The following METTL24 variants were observed in gnomAD, a reference collection of about 807,000 sequenced individuals.
The protein encoded by METTL24 is methyltransferase like 24, also known as probable methyltransferase-like protein 24.
Under a neutral mutation model 32.7 loss-of-function variants are expected in METTL24, and 29 were observed. The ratio of observed to expected loss-of-function variants is 0.89; its 90% CI spans 0.66 to 1.21. The LOEUF (loss-of-function observed/expected upper bound fraction) is 1.21. Ranked by LOEUF, METTL24 falls within the 50% of genes most tolerant of loss-of-function variation. The pLI, the probability that METTL24 is intolerant of heterozygous loss-of-function variation, is 0.00. For synonymous variants in METTL24, 163 were observed against 179.5 expected, an observed-to-expected ratio of 0.91 and a Z score of 0.73; for missense variants, 439 against 468.1, an observed-to-expected ratio of 0.94 and a Z score of 0.57.
chr6:110,291,487 A>G (rs373465653), intron 4 of METTL24, among the ~76,000 whole-genome samples: 2 of 152,308 alleles, frequency 1.3e-5, no homozygotes, highest in East Asian at 3.9e-4. Context: ...ATGCCTTTAT[A>G]AAAATCAATT....
intron 4 of METTL24, among the ~76,000 whole-genome samples, chr6:110,258,138 C>T (rs1459354219): frequency 6.6e-6 from 1 of 152,160 alleles, no homozygotes. Flanking sequence ...TCAGTGTTAG[C>T]TGTTGTTATT....
rs568182231 is a variant in METTL24 at position 110,265,708 on chromosome 6, C to T, written c.787-19448G>A. ...GAACCATAAGAAGAAGGATTATATG[C>T]CAGGGGAGGAGGTAGGGAGAGCTGG... On this transcript the variant is annotated intron_variant, in intron 4 of 4. Transcript: ENST00000338882. Among the ~76,000 whole-genome samples the T allele has an allele frequency of 2.0e-5, 3 of 152,162 alleles. No individual in the cohort carries two copies. In the South Asian group the frequency reaches 6.2e-4, roughly 32 times the overall value.
rs751030308 is a variant in METTL24 at position 110,246,048 on chromosome 6, G to A, written c.999C>T (p.His333=). The change falls in exon 5 of 5, where the codon CAC becomes CAT. Residue 333 remains histidine, a synonymous_variant. Transcript: ENST00000338882. ...ELEQKDFRLF[H]SYKDLSKPQL... is the part of the protein sequence containing the mutation. Reference sequence around the variant, plus strand: ...GAGGTTTAGATAAGTCTTTGTAACTGTGAAAAAGCCTGAAATCCTTTTGTT... The same window carrying A: ...GAGGTTTAGATAAGTCTTTGTAACTATGAAAAAGCCTGAAATCCTTTTGTT... The A allele has an allele frequency of 7.4e-6, 12 of 1,614,014 alleles. No homozygotes were observed. The East Asian group carries it at 2.7e-4, about 36-fold the overall frequency.
At chr6:110,253,938 G>A (rs1388575275) in intron 4 of METTL24, 3 of 1,455,300 alleles carry the variant, frequency 2.1e-6, no homozygotes, top group East Asian at 5.5e-5. Context: ...CCCCAGGAGG[G>A]GTGAGGAGGA....
intron 4 of METTL24, among the ~76,000 whole-genome samples, chr6:110,295,907 G>A (rs1034987513): frequency 1.3e-5 from 2 of 152,120 alleles, no homozygotes; most frequent in Non-Finnish European, 2.9e-5. Context: ...ACAATTGAGT[G>A]ACTAATTCAC....
intron 4 of METTL24, among the ~76,000 whole-genome samples, chr6:110,292,158 G>A (rs1397651405): frequency 6.6e-6 from 1 of 152,130 alleles, no homozygotes; most frequent in East Asian, 1.9e-4. Context: ...TATGCAGATT[G>A]TTTTCTACCC....
chr6:110,338,827 G>A (rs769096144), intron 1 of METTL24, among the ~76,000 whole-genome samples: 9 of 152,186 alleles, frequency 5.9e-5, no homozygotes, highest in Non-Finnish European at 8.8e-5. Context: ...TTGAAAGTTA[G>A]CTTTCGTAAT....
At position 110,358,002 on chromosome 6, in the gene METTL24, T is replaced by TCCCGCTCCCGCCGCCCCCCGGCGGCGC; in HGVS notation, c.244_270dup (p.Ala82_Gly90dup). ...GGGGCACAGCAGCCAGGCTCCGGCGTCCCGCTCCCGCCGCCCCCCGGCGGC... is the reference window on the plus strand; with the variant it reads ...GGGGCACAGCAGCCAGGCTCCGGCGTCCCGCTCCCGCCGCCCCCCGGCGGCGCCCCGCTCCCGCCGCCCCCCGGCGGC... On this transcript the variant is annotated inframe_insertion, in exon 1 of 5. Transcript: ENST00000338882. 1 of 1,167,448 alleles carries TCCCGCTCCCGCCGCCCCCCGGCGGCGC rather than the reference T, an allele frequency of 8.6e-7. No homozygotes were observed. The highest frequency in any genetic ancestry group is 1.1e-6 in the Non-Finnish European group (1 of 947,166). The allele number at this position is 1,167,448 out of a possible 1,614,324, so 72.3% of individuals were successfully genotyped here.
At chr6:110,353,429 A>G (rs758824427) in intron 1 of METTL24, among the ~76,000 whole-genome samples, 1 of 151,930 alleles carries the variant, frequency 6.6e-6, no homozygotes, top group Non-Finnish European at 1.5e-5. Context: ...ATCCCATACC[A>G]TTTTTCCTCT....
At chr6:110,329,510 T>C (rs1338099472) in intron 1 of METTL24, among the ~76,000 whole-genome samples, 1 of 34,182 alleles carries the variant, frequency 2.9e-5, no homozygotes, top group Non-Finnish European at 5.8e-5. Context: ...GGGGTGGGGG[T>C]GGGAGTAGTT....
rs539811714 is a variant in METTL24 at position 110,293,855 on chromosome 6, C to T, written c.786+5067G>A. 4.0e-5 allele frequency among the ~76,000 whole-genome samples: 6 copies of T among 151,426 alleles called. No homozygotes were observed. In the South Asian group the frequency reaches 1.2e-3, roughly 32 times the overall value. On this transcript the variant is annotated intron_variant, in intron 4 of 4. Coordinates refer to ENST00000338882, the MANE Select transcript of METTL24 (RefSeq NM_001123364.3). ...TCATTTCTTACAAGTGCATGTGAAT[C>T]TATCTCAAAATGTGCAGTTTTTTTT... is the stretch of plus-strand genomic sequence containing the variant.
intron 3 of METTL24, among the ~76,000 whole-genome samples, chr6:110,300,284 C>G (rs1285914205): frequency 1.3e-5 from 2 of 152,134 alleles, no homozygotes; most frequent in Admixed American, 1.3e-4. Flanking sequence ...GGCCTAGAAC[C>G]AACCGCCAAC....
chr6:110,335,566 G>GTT (rs527344096), intron 1 of METTL24, among the ~76,000 whole-genome samples: 8 of 66,110 alleles, frequency 1.2e-4, no homozygotes, highest in African/African-American at 2.9e-4. Context: ...GGGAATCATT[G>GTT]TTTTTTTTTT....
At chr6:110,261,823 C>T (rs867545809) in intron 4 of METTL24, among the ~76,000 whole-genome samples, 21 of 152,132 alleles carry the variant, frequency 1.4e-4, no homozygotes, top group Admixed American at 1.1e-3. Context: ...CACTCAAAAC[C>T]GCTCAACTAC....
intron 4 of METTL24, among the ~76,000 whole-genome samples, chr6:110,257,003 A>G (rs1429570901): frequency 6.6e-6 from 1 of 152,216 alleles, no homozygotes; most frequent in Non-Finnish European, 1.5e-5. Flanking sequence ...TACAGGCTGC[A>G]CTGCATCAAG....
chr6:110,244,840 C>T lies in METTL24; in HGVS notation c.*1106G>A, dbSNP rs1279372801. 6.6e-6 allele frequency among the ~76,000 whole-genome samples: 1 copy of T among 152,102 alleles called. No homozygotes were observed. Among genetic ancestry groups the T allele is most frequent in the Non-Finnish European group, 1.5e-5 (1 of 68,022 alleles). ...GGGGACGTAGCCAAACCATATTACT[C>T]ATGGACTTATAATGAAGTAATCATT... On this transcript the variant is annotated 3_prime_UTR_variant, in exon 5 of 5. Coordinates refer to ENST00000338882, the MANE Select transcript of METTL24 (RefSeq NM_001123364.3).
At chr6:110,328,061 C>T (rs1772047006) in intron 1 of METTL24, among the ~76,000 whole-genome samples, 1 of 152,208 alleles carries the variant, frequency 6.6e-6, no homozygotes, top group Non-Finnish European at 1.5e-5. Flanking sequence ...TGTCTGTCCC[C>T]AGGAGGCCTG....
chr6:110,319,464 AC>A lies in METTL24; in HGVS notation c.417+3309del, dbSNP rs1562236291. 3.4e-5 allele frequency among the ~76,000 whole-genome samples: 4 copies of A among 118,560 alleles called. No homozygotes were observed. In the East Asian group the frequency reaches 7.4e-4, roughly 22 times the overall value. 77.8% of individuals were successfully genotyped at this position (118,560 alleles called of 152,430 possible). A position where few individuals can be genotyped will look rare whatever the true frequency, so the allele number is the denominator to read the frequency against. On this transcript the variant is annotated intron_variant, in intron 2 of 4. Transcript: ENST00000338882. ...AGATAGATAGATAGATAGATAGATG[AC>A]AGACAGAAAAACAGGCTTTAAAACA...
intron 4 of METTL24, among the ~76,000 whole-genome samples, chr6:110,279,436 G>A (rs1252260196): frequency 1.3e-5 from 2 of 152,170 alleles, no homozygotes; most frequent in East Asian, 3.8e-4. Flanking sequence ...TCCCAGTAGA[G>A]TAAAATGGTA....
Sources: allele counts gnomAD v4.1 joint callset (sites outside exome capture counted in the v4.1 genomes callset), GRCh38; gene constraint gnomAD v4.1.1; transcripts MANE v1.5; gene names NCBI Gene and HGNC (gene_info 2026-07-23, HGNC 2026-07-21).